The following DLG2 variants were observed in gnomAD, a reference collection of about 807,000 sequenced individuals.
DLG2 encodes the protein disks large homolog 2.
Under a neutral mutation model 132.5 loss-of-function variants are expected in DLG2, and 45 were observed. The ratio of observed to expected loss-of-function variants is 0.34; its 90% confidence interval spans 0.27 to 0.44. DLG2 has a LOEUF of 0.44. DLG2 is among the 20% of genes least tolerant of loss of function. DLG2 has a pLI of 1.00. For synonymous variants in DLG2, 424 were observed against 419.6 expected, an observed-to-expected ratio of 1.01 and a Z score of -0.13; for missense variants, 1,045 against 1,196.9, an observed-to-expected ratio of 0.87 and a Z score of 1.87.
intron 17 of DLG2, among the ~76,000 whole-genome samples, chr11:83,819,777 TC>T (rs2050225559): frequency 6.6e-6 from 1 of 152,112 alleles, no homozygotes; most frequent in South Asian, 2.1e-4. Flanking sequence ...ATTGACCTTT[TC>T]CTGACCCCTC....
At chr11:83,775,899 T>C (rs1034841568) in intron 18 of DLG2, among the ~76,000 whole-genome samples, 37 of 152,114 alleles carry the variant, frequency 2.4e-4, no homozygotes, top group East Asian at 3.9e-4. Flanking sequence ...GAGACCATCC[T>C]GGCTAATACG....
intron 7 of DLG2, among the ~76,000 whole-genome samples, chr11:84,522,755 T>C (rs922630541): frequency 1.3e-5 from 2 of 152,228 alleles, no homozygotes; most frequent in African/African-American, 4.8e-5. Context: ...AAAAATTGCC[T>C]TCTGGACTAT....
intron 3 of DLG2, among the ~76,000 whole-genome samples, chr11:85,352,171 T>G (rs2083341538): frequency 1.3e-5 from 2 of 152,260 alleles, no homozygotes; most frequent in Admixed American, 1.3e-4. Flanking sequence ...TATCCATTTC[T>G]TCTAGATTTT....
chr11:84,392,327 C>T (rs954123627), intron 7 of DLG2, among the ~76,000 whole-genome samples: 2 of 152,188 alleles, frequency 1.3e-5, no homozygotes, highest in South Asian at 4.1e-4. Context: ...TTGAATTAAA[C>T]TGATGATTGC....
At chr11:84,177,265 C>T (rs2095997017) in intron 8 of DLG2, among the ~76,000 whole-genome samples, 1 of 152,142 alleles carries the variant, frequency 6.6e-6, no homozygotes, top group Non-Finnish European at 1.5e-5. Flanking sequence ...ATTCTCCTCT[C>T]CTTCCATCTA....
chr11:85,560,797 T>A (rs1032472991), intron 3 of DLG2, among the ~76,000 whole-genome samples: 1 of 151,128 alleles, frequency 6.6e-6, no homozygotes, highest in African/African-American at 2.4e-5. Context: ...TTTGGGAGGC[T>A]GAGGCAGGAG....
chr11:83,741,514 C>T (rs1316533526), intron 18 of DLG2, among the ~76,000 whole-genome samples: 1 of 152,090 alleles, frequency 6.6e-6, no homozygotes, highest in Non-Finnish European at 1.5e-5. Flanking sequence ...CCAACAACAT[C>T]ATGGCTAACA....
intron 4 of DLG2, among the ~76,000 whole-genome samples, chr11:85,219,058 AT>A (rs2082823275): frequency 6.6e-6 from 1 of 152,126 alleles, no homozygotes; most frequent in Non-Finnish European, 1.5e-5. Flanking sequence ...AGAACAATAG[AT>A]GCTTAAGACT....
intron 7 of DLG2, among the ~76,000 whole-genome samples, chr11:84,408,501 T>G (rs1219444229): frequency 6.6e-6 from 1 of 152,222 alleles, no homozygotes; most frequent in African/African-American, 2.4e-5. Flanking sequence ...TGCTTGGGAC[T>G]CAGGGTTGCA....
At chr11:85,398,092 T>G (rs778843951) in intron 3 of DLG2, among the ~76,000 whole-genome samples, 5 of 152,160 alleles carry the variant, frequency 3.3e-5, no homozygotes, top group Non-Finnish European at 5.9e-5. Flanking sequence ...CAGACCACAG[T>G]GCAATCAAAT....
At chr11:85,371,404 G>A (rs2084963413) in intron 3 of DLG2, among the ~76,000 whole-genome samples, 2 of 152,094 alleles carry the variant, frequency 1.3e-5, no homozygotes, top group Non-Finnish European at 2.9e-5. Flanking sequence ...AAACATGTTG[G>A]TTACTCTCTG....
At chr11:85,432,962 A>C (rs1006347964) in intron 3 of DLG2, among the ~76,000 whole-genome samples, 2 of 152,196 alleles carry the variant, frequency 1.3e-5, no homozygotes, top group Non-Finnish European at 2.9e-5. Flanking sequence ...AGACTAACAG[A>C]AGATTTCTCA....
chr11:85,529,026 AACT>A (rs1334520055), intron 3 of DLG2, among the ~76,000 whole-genome samples: 2 of 152,218 alleles, frequency 1.3e-5, no homozygotes, highest in Non-Finnish European at 2.9e-5. Flanking sequence ...AGCTGTATGC[AACT>A]ACATTATTAA....
chr11:84,701,522 C>A (rs904473127), intron 6 of DLG2, among the ~76,000 whole-genome samples: 12 of 151,732 alleles, frequency 7.9e-5, no homozygotes, highest in African/African-American at 2.9e-4. Flanking sequence ...CTGGATACTT[C>A]TTGTGGGACA....
intron 5 of DLG2, among the ~76,000 whole-genome samples, chr11:85,114,461 T>C (rs1267634871): frequency 1.3e-5 from 2 of 152,026 alleles, no homozygotes; most frequent in Non-Finnish European, 2.9e-5. Flanking sequence ...TCCTTCTGTC[T>C]CATTCATCTA....
chr11:83,955,056 A>G (rs797019429), intron 14 of DLG2, among the ~76,000 whole-genome samples: 3 of 152,348 alleles, frequency 2.0e-5, no homozygotes, highest in Non-Finnish European at 2.9e-5. Flanking sequence ...TTTTATTTGT[A>G]TCACGGTTCA....
At chr11:83,629,642 A>G (rs2033782080) in intron 19 of DLG2, among the ~76,000 whole-genome samples, 1 of 152,202 alleles carries the variant, frequency 6.6e-6, no homozygotes, top group African/African-American at 2.4e-5. Flanking sequence ...TAGTAGCAGG[A>G]AAAGCCTTGT....
intron 6 of DLG2, among the ~76,000 whole-genome samples, chr11:84,757,824 G>A (rs999354562): frequency 6.6e-6 from 1 of 152,104 alleles, no homozygotes; most frequent in Admixed American, 6.5e-5. Context: ...AAAACTGCTT[G>A]CCATTAGCCA....
At chr11:83,508,549 T>A (rs1362387821) in intron 21 of DLG2, among the ~76,000 whole-genome samples, 1 of 151,616 alleles carries the variant, frequency 6.6e-6, no homozygotes, top group Non-Finnish European at 1.5e-5. Context: ...GGCCAGAATA[T>A]ACATTCTTAA....
Sources: allele counts gnomAD v4.1 joint callset (sites outside exome capture counted in the v4.1 genomes callset), GRCh38; gene constraint gnomAD v4.1.1; transcripts MANE v1.5; gene names NCBI Gene and HGNC (gene_info 2026-07-23, HGNC 2026-07-21).